DAB1: variants seen among roughly 807,000 people sequenced by gnomAD.
DAB1 encodes disabled homolog 1.
DAB1 carries 15 observed loss-of-function variants against 64.6 expected under a neutral mutation model. That is an observed-to-expected ratio of 0.23 (90% CI 0.16 to 0.36). The LOEUF is 0.36. DAB1 is among the 10% of genes least tolerant of loss of function. The pLI is 1.00. For synonymous variants in DAB1, 235 were observed against 251.9 expected (o/e 0.93, Z 0.64); for missense variants, 596 against 706.7 (o/e 0.84, Z 1.78).
chr1:58,500,951 C>T (rs1645897438), intron 3 of DAB1, among the ~76,000 whole-genome samples: 2 of 152,156 alleles, frequency 1.3e-5, no homozygotes, highest in African/African-American at 2.4e-5. Context: ...TTATAATATA[C>T]ATAAAGTCTG....
At chr1:57,209,360 G>C (rs377137666) in intron 2 of DAB1, among the ~76,000 whole-genome samples, 3 of 152,158 alleles carry the variant, frequency 2.0e-5, no homozygotes, top group Non-Finnish European at 2.9e-5. Context: ...ATGCTCTTCC[G>C]CTGCTGCAAA....
rs1403591244 is a variant in DAB1, at chr1:57,961,503, A to T, written n.388-77341T>A. Among the ~76,000 whole-genome samples, 3 of 152,126 alleles carry T rather than the reference A, an allele frequency of 2.0e-5. No individual in the cohort carries two copies. In the East Asian group the frequency reaches 5.8e-4, roughly 29 times the overall value. The stretch of plus-strand genomic sequence containing the variant: ...GTCCCCCACCTTCCTGTCATGCTCA[A>T]CCATAGGAGTCCTGAGTATTCTCAA... On this transcript the variant is annotated intron_variant and non_coding_transcript_variant, in intron 5 of 20. Transcript: ENST00000485760.
At position 57,666,854 on chromosome 1, in the gene DAB1, G is replaced by A. The variant is rs192024353; in HGVS notation, n.552-17189C>T. ...AGGGTAATTTTTAATTAAAAGGAGG[G>A]AGAGGGAGAGGGAGAGGGAGGGGGA... On this transcript the variant is annotated intron_variant and non_coding_transcript_variant, in intron 6 of 20. Transcript: ENST00000485760. 5.5e-3 allele frequency among the ~76,000 whole-genome samples: 824 copies of A among 148,730 alleles called. 9 individuals are homozygous for A. The highest frequency in any genetic ancestry group is 0.019 in the African/African-American group (765 of 40,910).
intron 5 of DAB1, among the ~76,000 whole-genome samples, chr1:57,892,416 C>T (rs1438670380): frequency 6.6e-6 from 1 of 152,192 alleles, no homozygotes; most frequent in Non-Finnish European, 1.5e-5. Flanking sequence ...ATGACCCAGG[C>T]ACTGTTCTAA....
chr1:57,100,747 G>A (rs1236422561), intron 4 of DAB1, among the ~76,000 whole-genome samples: 1 of 140,760 alleles, frequency 7.1e-6, no homozygotes, highest in African/African-American at 2.6e-5. Context: ...CTGGGAGCTC[G>A]CCAAGCTGGG....
intron 7 of DAB1, among the ~76,000 whole-genome samples, chr1:57,485,581 C>T (rs1442178264): frequency 6.6e-6 from 1 of 152,186 alleles, no homozygotes; most frequent in Non-Finnish European, 1.5e-5. Context: ...ATTAGAACCA[C>T]AGAGTCAAAC....
chr1:58,526,601 C>CAAAAAA (rs10574530), intron 2 of DAB1, among the ~76,000 whole-genome samples: 6 of 121,404 alleles, frequency 4.9e-5, no homozygotes, highest in African/African-American at 2.1e-4. Context: ...CTATGGCTAG[C>CAAAAAA]AAAAAAAAAA....
At chr1:58,191,897 G>A (rs2406591) in intron 4 of DAB1, among the ~76,000 whole-genome samples, 41,229 of 152,032 alleles carry the variant, frequency 0.27, 6,023 homozygotes, top group East Asian at 0.45. Flanking sequence ...TAATTAATGC[G>A]TAAAAATATG....
At chr1:57,940,188 AG>A (rs1645082283) in intron 5 of DAB1, among the ~76,000 whole-genome samples, 1 of 152,220 alleles carries the variant, frequency 6.6e-6, no homozygotes, top group Non-Finnish European at 1.5e-5. Flanking sequence ...TGAGGGATAC[AG>A]GTCCTCCTAA....
At chr1:57,287,633 A>G (rs975714275) in intron 2 of DAB1, among the ~76,000 whole-genome samples, 1 of 152,182 alleles carries the variant, frequency 6.6e-6, no homozygotes, top group Non-Finnish European at 1.5e-5. Flanking sequence ...TCAAAATTCA[A>G]TATCAGTATA....
At chr1:57,480,339 C>A (rs1215005937) in intron 7 of DAB1, among the ~76,000 whole-genome samples, 5 of 152,164 alleles carry the variant, frequency 3.3e-5, no homozygotes, top group Admixed American at 6.5e-5. Context: ...TTTGAAAAAG[C>A]ATGTGGGATG....
At chr1:57,476,059 C>T (rs1025587024) in intron 7 of DAB1, among the ~76,000 whole-genome samples, 4 of 151,562 alleles carry the variant, frequency 2.6e-5, no homozygotes, top group Non-Finnish European at 4.4e-5. Flanking sequence ...ACTCTGTCTC[C>T]GCTAAAAATA....
At chr1:58,344,907 C>T (rs909740676) in intron 3 of DAB1, among the ~76,000 whole-genome samples, 1 of 152,114 alleles carries the variant, frequency 6.6e-6, no homozygotes, top group Admixed American at 6.5e-5. Context: ...TTCTCACTAC[C>T]TTTCCCAAAT....
intron 4 of DAB1, among the ~76,000 whole-genome samples, chr1:57,094,483 G>A (rs893233772): frequency 7.9e-5 from 12 of 152,180 alleles, no homozygotes; most frequent in Non-Finnish European, 1.5e-4. Flanking sequence ...ATCTACCGAG[G>A]TAAGAGGGCC....
chr1:57,594,959 C>A (rs1645489685), intron 7 of DAB1, among the ~76,000 whole-genome samples: 1 of 152,166 alleles, frequency 6.6e-6, no homozygotes, highest in Non-Finnish European at 1.5e-5. Context: ...ATCCACCCGC[C>A]TCAGCCTCCC....
intron 1 of DAB1, among the ~76,000 whole-genome samples, chr1:57,320,689 ATAT>A (rs1317561345): frequency 1.3e-5 from 2 of 151,970 alleles, no homozygotes; most frequent in Non-Finnish European, 2.9e-5. Context: ...TTGTTATAAA[ATAT>A]TATATATATC....
At chr1:57,631,095 A>G (rs990714937) in intron 7 of DAB1, among the ~76,000 whole-genome samples, 1 of 152,184 alleles carries the variant, frequency 6.6e-6, no homozygotes, top group Admixed American at 6.5e-5. Context: ...GAAGATGTAG[A>G]CTTATCAAAT....
Position 57,145,375 on chromosome 1 carries a change from C to T in DAB1, c.122G>A (p.Arg41Gln), listed in dbSNP as rs756329038. 12 of 1,613,902 alleles carry T rather than the reference C, an allele frequency of 7.4e-6. No homozygotes were observed. Among genetic ancestry groups the T allele is most frequent in the Non-Finnish European group, 9.3e-6 (11 of 1,179,968 alleles). The change falls in exon 3 of 15, where the codon CGG becomes CAG. Residue 41 changes from arginine (R) to glutamine (Q), a missense_variant. Coordinates refer to ENST00000371236, the MANE Select transcript of DAB1 (RefSeq NM_001365792.1). ...AATCCCGATCAATTTGGCTTTGTAC[C>T]GGACCCCTTCACCTTTAAACCTCTT... ...LIKRFKGEGV[R>Q]YKAKLIGIDE...
intron 3 of DAB1, among the ~76,000 whole-genome samples, chr1:58,417,430 T>C (rs982048629): frequency 1.3e-5 from 2 of 152,158 alleles, no homozygotes; most frequent in South Asian, 2.1e-4. Context: ...GGGAAGAGAA[T>C]CTGGTTGCCT....
Sources: gnomAD v4.1 joint callset for allele counts (sites outside exome capture counted in the v4.1 genomes callset) on GRCh38, gnomAD v4.1.1 for gene constraint, MANE v1.5 for transcripts, NCBI Gene and HGNC (gene_info 2026-07-23, HGNC 2026-07-21) for gene names.